ADGRB3: variants seen among roughly 807,000 people sequenced by gnomAD.
ADGRB3 encodes the protein brain-specific angiogenesis inhibitor 3.
ADGRB3 carries 37 observed loss-of-function variants against 193.4 expected under a neutral mutation model. The ratio of observed to expected loss-of-function variants is 0.19; its 90% confidence interval spans 0.15 to 0.25. ADGRB3 has a LOEUF of 0.25. Among genes scored for constraint, ADGRB3 ranks in the 10% least tolerant of loss-of-function variants. The pLI, the probability that ADGRB3 is intolerant of heterozygous loss-of-function variation, is 1.00. For missense variants in ADGRB3, 1,637 were observed against 1,852.9 expected (o/e 0.88, Z 2.14); for synonymous variants, 690 against 644.2 (o/e 1.07, Z -1.08).
intron 16 of ADGRB3, among the ~76,000 whole-genome samples, chr6:69,068,071 G>C (rs1263198124): frequency 6.6e-6 from 1 of 152,102 alleles, no homozygotes; most frequent in Non-Finnish European, 1.5e-5. Flanking sequence ...GATAGGTGTG[G>C]CTGTATTTCA....
chr6:69,165,572 C>T (rs898472165), intron 17 of ADGRB3, among the ~76,000 whole-genome samples: 4 of 152,036 alleles, frequency 2.6e-5, no homozygotes, highest in African/African-American at 7.2e-5. Flanking sequence ...AAAACAAGCT[C>T]ACATTCTGCC....
At chr6:68,919,340 G>A (rs144629075) in intron 3 of ADGRB3, among the ~76,000 whole-genome samples, 487 of 152,140 alleles carry the variant, frequency 3.2e-3, no homozygotes, top group African/African-American at 0.011. Context: ...AAAGAAATGC[G>A]AAATGTACAG....
At chr6:69,220,988 G>A (rs1045684137) in intron 17 of ADGRB3, among the ~76,000 whole-genome samples, 1 of 151,746 alleles carries the variant, frequency 6.6e-6, no homozygotes, top group African/African-American at 2.4e-5. Flanking sequence ...TGGGGTTGTC[G>A]GTGGACAAGC....
intron 26 of ADGRB3, among the ~76,000 whole-genome samples, chr6:69,353,052 A>C (rs1244024287): frequency 6.6e-6 from 1 of 152,198 alleles, no homozygotes; most frequent in African/African-American, 2.4e-5. Flanking sequence ...GACTTGGAAT[A>C]AGTAGCTACT....
intron 3 of ADGRB3, among the ~76,000 whole-genome samples, chr6:68,875,163 T>C (rs936805814): frequency 3.1e-5 from 2 of 65,266 alleles, no homozygotes; most frequent in African/African-American, 5.0e-5. Context: ...CTTCCTTCCT[T>C]CCTTCCTTCC....
intron 17 of ADGRB3, among the ~76,000 whole-genome samples, chr6:69,101,547 T>G (rs1562159947): frequency 6.6e-6 from 1 of 151,672 alleles, no homozygotes; most frequent in African/African-American, 2.4e-5. Context: ...ATTGCTTAGT[T>G]TTTATTTAGG....
intron 5 of ADGRB3, among the ~76,000 whole-genome samples, chr6:68,939,252 A>G (rs2150249403): frequency 6.6e-6 from 1 of 152,208 alleles, no homozygotes; most frequent in African/African-American, 2.4e-5. Flanking sequence ...TGAGGTAGCA[A>G]TTTTTTGAAT....
At chr6:69,327,709 C>A in intron 21 of ADGRB3, 111 bp from the exon 22 acceptor site, 1 of 758,836 alleles carries the variant, frequency 1.3e-6, no homozygotes. Context: ...GTGACTCATC[C>A]AAAGATAGTT....
chr6:69,278,911 T>C (rs914223151), intron 20 of ADGRB3, among the ~76,000 whole-genome samples: 1 of 151,590 alleles, frequency 6.6e-6, no homozygotes, highest in Non-Finnish European at 1.5e-5. Flanking sequence ...ATCATTAATA[T>C]CATATTTAGA....
chr6:68,671,781 G>A (rs1768967441), intron 3 of ADGRB3, among the ~76,000 whole-genome samples: 1 of 152,000 alleles, frequency 6.6e-6, no homozygotes, highest in Non-Finnish European at 1.5e-5. Flanking sequence ...TGGCCACATA[G>A]AATAAGTTTG....
At chr6:68,721,276 C>T (rs1398892855) in intron 3 of ADGRB3, among the ~76,000 whole-genome samples, 1 of 151,634 alleles carries the variant, frequency 6.6e-6, no homozygotes, top group Non-Finnish European at 1.5e-5. Context: ...CACATATACA[C>T]CATGGAATAC....
intron 3 of ADGRB3, among the ~76,000 whole-genome samples, chr6:68,884,264 A>G (rs1765836513): frequency 1.3e-5 from 2 of 152,202 alleles, no homozygotes; most frequent in African/African-American, 4.8e-5. Context: ...GGGATGTGTC[A>G]GGAGAGTGAA....
intron 3 of ADGRB3, among the ~76,000 whole-genome samples, chr6:68,895,985 G>A (rs539274225): frequency 6.6e-6 from 1 of 152,122 alleles, no homozygotes; most frequent in African/African-American, 2.4e-5. Flanking sequence ...TTCTTTGTGT[G>A]GGTTACAATT....
chr6:68,919,032 C>T (rs1766955537), intron 3 of ADGRB3, among the ~76,000 whole-genome samples: 1 of 151,182 alleles, frequency 6.6e-6, no homozygotes, highest in South Asian at 2.1e-4. Context: ...TTTTTTATTC[C>T]TCTCCCAAGA....
chr6:69,066,728 C>T (rs1002522647), intron 16 of ADGRB3, among the ~76,000 whole-genome samples: 1 of 151,968 alleles, frequency 6.6e-6, no homozygotes, highest in Non-Finnish European at 1.5e-5. Context: ...CAATTAATTG[C>T]TTTAAAGAAA....
intron 21 of ADGRB3, among the ~76,000 whole-genome samples, chr6:69,326,323 T>C (rs1008761478): frequency 3.9e-5 from 6 of 152,168 alleles, no homozygotes; most frequent in African/African-American, 1.4e-4. Context: ...AAAGGCCTTC[T>C]AAAGTTGAGA....
rs372201216 is a variant in ADGRB3 at position 69,327,772 on chromosome 6, A to G, written c.2966-48A>G. On this transcript the variant is annotated intron_variant, in intron 21 of 31. Coordinates refer to ENST00000370598, the MANE Select transcript of ADGRB3 (RefSeq NM_001704.3). ...TCTGGCTTTTCTTAGACCAGTATGC[A>G]TAGTGGTTATAGCTAAATATGAATG... 73 of 1,556,628 alleles carry G rather than the reference A, an allele frequency of 4.7e-5. 1 individual carries two copies. The Middle Eastern group carries it at 5.1e-4, about 11-fold the overall frequency.
intron 20 of ADGRB3, among the ~76,000 whole-genome samples, chr6:69,269,059 A>G (rs563595413): frequency 6.6e-6 from 1 of 152,300 alleles, no homozygotes; most frequent in South Asian, 2.1e-4. Flanking sequence ...TAAGCATTTT[A>G]TATAAATCAT....
At chr6:68,908,913 C>A (rs974067532) in intron 3 of ADGRB3, among the ~76,000 whole-genome samples, 3 of 152,132 alleles carry the variant, frequency 2.0e-5, no homozygotes, top group African/African-American at 7.2e-5. Flanking sequence ...GTTAAATGGA[C>A]ATCCAATCAG....
Sources: gnomAD v4.1 joint callset for allele counts (sites outside exome capture counted in the v4.1 genomes callset) on GRCh38, gnomAD v4.1.1 for gene constraint, MANE v1.5 for transcripts, NCBI Gene and HGNC (gene_info 2026-07-23, HGNC 2026-07-21) for gene names.